IP6K2: variants seen among roughly 807,000 people sequenced by gnomAD.
The protein encoded by IP6K2 is inositol hexakisphosphate kinase 2.
Under a neutral mutation model 43.3 loss-of-function variants are expected in IP6K2, and 9 were observed. The observed-to-expected ratio is 0.21, with a 90% CI of 0.13 to 0.36. IP6K2 has a LOEUF of 0.36. Ranked by LOEUF, IP6K2 falls within the 10% of genes least tolerant of loss-of-function variation. The pLI is 1.00. For synonymous variants in IP6K2, 209 were observed against 202.4 expected (o/e 1.03, Z -0.28); for missense variants, 332 against 538.4 (o/e 0.62, Z 3.79).
chr3:48,704,991 G>T (rs1215556781), intron 1 of IP6K2, among the ~76,000 whole-genome samples: 5 of 151,226 alleles, frequency 3.3e-5, no homozygotes, highest in Non-Finnish European at 7.4e-5. Flanking sequence ...GCCCAGGCTG[G>T]AGTGCAGTGG....
chr3:48,691,690 C>T (rs1173966588), intron 3 of IP6K2, among the ~76,000 whole-genome samples: 1 of 151,854 alleles, frequency 6.6e-6, no homozygotes, highest in Admixed American at 6.6e-5. Flanking sequence ...GTGGTGTGCT[C>T]GGGAGGCTGA....
At chr3:48,703,103 G>A (rs1020180340) in intron 1 of IP6K2, among the ~76,000 whole-genome samples, 4 of 152,134 alleles carry the variant, frequency 2.6e-5, no homozygotes, top group African/African-American at 7.2e-5. Flanking sequence ...CATTAACTGG[G>A]GAGTATAAAT....
At position 48,688,128 on chromosome 3, in the gene IP6K2, G is replaced by T; in HGVS notation, c.*145C>A. 1.3e-6 allele frequency: 1 copy of T among 779,594 alleles called. No individual in the cohort carries two copies. The highest frequency in any genetic ancestry group is 2.1e-6 in the Non-Finnish European group (1 of 467,070). The allele number at this position is 779,594 out of a possible 1,614,324, so 48.3% of individuals were successfully genotyped here. A position where few individuals can be genotyped will look rare whatever the true frequency, so the allele number is the denominator to read the frequency against. ...AAGACTCCAAGCACAGCTGGGACTGGCTCAGGCTGGGGCTCACAGAGGCCA... is the reference window on the plus strand; with the variant it reads ...AAGACTCCAAGCACAGCTGGGACTGTCTCAGGCTGGGGCTCACAGAGGCCA... On this transcript the variant is annotated 3_prime_UTR_variant, in exon 6 of 6. Transcript: ENST00000328631. The surrounding 1 kb of genome is among the most constrained non-coding windows in gnomAD (Gnocchi z 5.1).
rs143129557 is a variant in IP6K2, at chr3:48,708,960, C to T, written c.-131+8197G>A. On this transcript the variant is annotated intron_variant, in intron 1 of 5. Transcript: ENST00000328631. ...GTACATGCCTGTTGTCCCAGCTACT[C>T]GGGAGGCAGAGGTGGAGGGATCACT... 5.1e-3 allele frequency among the ~76,000 whole-genome samples: 776 copies of T among 152,152 alleles called. 8 individuals are homozygous for T. Among genetic ancestry groups the T allele is most frequent in the African/African-American group, 0.017 (710 of 41,498 alleles).
intron 2 of IP6K2, chr3:48,693,972 G>A: frequency 3.6e-6 from 5 of 1,379,798 alleles, no homozygotes; most frequent in Non-Finnish European, 4.7e-6. Flanking sequence ...GTTTCAGCAG[G>A]TGCCGACGAG....
In IP6K2 at chr3:48,691,350, C is replaced by A. The variant is rs1256766920; in HGVS notation, c.561G>T (p.Gln187His). The change falls in exon 4 of 6, where the codon CAG (glutamine) becomes CAT (histidine). Residue 187 changes from glutamine to histidine, a missense_variant. Physicochemically the swap from Gln to His is conservative, Grantham distance 24. Transcript: ENST00000328631. ...NPWSMKCHQQ[Q>H]LQRMKENAKH... ...TTGCATTCTCCTTCATTCTCTGTAA[C>A]TGTTGCTGGTGACATTTCATGCTCC... 1 of 1,613,916 alleles carries A rather than the reference C, an allele frequency of 6.2e-7. No homozygotes were observed. The highest frequency in any genetic ancestry group is 1.7e-5 in the Admixed American group (1 of 59,968).
Position 48,695,237 on chromosome 3 carries a change from G to A in IP6K2, c.55C>T (p.Leu19=). 5.1e-6 allele frequency: 8 copies of A among 1,578,290 alleles called. No individual in the cohort carries two copies. Among genetic ancestry groups the A allele is most frequent in the South Asian group, 1.1e-5 (1 of 87,758 alleles). Residue 19 remains leucine, a synonymous_variant, in exon 2 of 6, where the codon CTG becomes TTG. Transcript: ENST00000328631. This position sits in a 1 kb window ranked among gnomAD's most constrained non-coding sequence, Gnocchi z 4.6. The part of the protein sequence containing the change: ...DVEPRAKGVL[L]EPFVHQVGGH... Reference sequence around the variant, plus strand: ...CCGACCTGGTGGACAAAGGGCTCCAGAAGGACGCCTTTGGCGCGGGGCTCC... The same window carrying A: ...CCGACCTGGTGGACAAAGGGCTCCAAAAGGACGCCTTTGGCGCGGGGCTCC...
Position 48,695,339 on chromosome 3 carries a change from C to G in IP6K2, c.-48G>C. 1.3e-6 allele frequency: 2 copies of G among 1,568,440 alleles called. No individual in the cohort carries two copies. The highest frequency in any genetic ancestry group is 1.1e-5 in the South Asian group (1 of 86,970). The stretch of plus-strand genomic sequence containing the variant: ...AGATGGGGGAGGCAGCGGAGTCCAG[C>G]GGCCAGTACGTCTTCTGTCTGTTGT... On this transcript the variant is annotated 5_prime_UTR_variant, in exon 2 of 6. Transcript: ENST00000328631. The surrounding 1 kb of genome is among the most constrained non-coding windows in gnomAD (Gnocchi z 4.6).
At chr3:48,705,545 G>A (rs1040521811) in intron 1 of IP6K2, among the ~76,000 whole-genome samples, 1 of 151,764 alleles carries the variant, frequency 6.6e-6, no homozygotes. Flanking sequence ...CAGGCATGGT[G>A]GGGAGACTGA....
intron 1 of IP6K2, among the ~76,000 whole-genome samples, chr3:48,714,550 G>A (rs541216669): frequency 5.9e-5 from 9 of 151,970 alleles, no homozygotes; most frequent in African/African-American, 2.2e-4. Context: ...CTGCCACAGA[G>A]GCTGGCTAGT....
chr3:48,694,476 C>A (rs1215171840), intron 2 of IP6K2: 1 of 1,548,646 alleles, frequency 6.5e-7, no homozygotes, highest in East Asian at 2.4e-5. Context: ...ACAAAAGACT[C>A]CCCCACTCCC....
At chr3:48,702,021 T>G (rs985522260) in intron 1 of IP6K2, among the ~76,000 whole-genome samples, 20 of 152,210 alleles carry the variant, frequency 1.3e-4, no homozygotes, top group Non-Finnish European at 4.4e-5. Context: ...TTTGAGTATC[T>G]TGAATCACTC....
Position 48,694,504 on chromosome 3 carries a change from T to C in IP6K2, c.202+586A>G, listed in dbSNP as rs566520091. On this transcript the variant is annotated intron_variant, in intron 2 of 5. Transcript: ENST00000328631. ...CCACTCCCCAACAAAGACCCCACCA[T>C]GCTGGTGGCTGCTGATGTCCCCTAT... 8.3e-5 allele frequency: 128 copies of C among 1,542,180 alleles called. 2 individuals carry two copies. The South Asian group carries it at 1.4e-3, about 16-fold the overall frequency.
intron 1 of IP6K2, among the ~76,000 whole-genome samples, chr3:48,697,262 C>T (rs991860840): frequency 1.3e-4 from 20 of 151,492 alleles, no homozygotes; most frequent in African/African-American, 4.9e-4. Flanking sequence ...CCTCGTGATC[C>T]GCCCACCTCA....
At chr3:48,709,499 C>A (rs1399841480) in intron 1 of IP6K2, among the ~76,000 whole-genome samples, 4 of 152,100 alleles carry the variant, frequency 2.6e-5, no homozygotes, top group Non-Finnish European at 4.4e-5. Context: ...TTCTTCCAGA[C>A]CAGCCCAGAA....
At position 48,696,172 on chromosome 3, in the gene IP6K2, C is replaced by T. The variant is rs532111788; in HGVS notation, c.-130-751G>A. On this transcript the variant is annotated intron_variant, in intron 1 of 5. Coordinates refer to ENST00000328631, the MANE Select transcript of IP6K2 (RefSeq NM_016291.4). ...TGCTGGGATTACAGGTGTGAGCGAC[C>T]GCACCCAGCCCCATTAATTATATTT... Among the ~76,000 whole-genome samples, 61 of 151,934 alleles carry T rather than the reference C, an allele frequency of 4.0e-4. 1 individual carries two copies. The highest frequency in any genetic ancestry group is 1.3e-3 in the African/African-American group (55 of 41,434).
chr3:48,691,249 TTCC>T, intron 4 of IP6K2, 55 bp downstream of exon 4: 1 of 1,413,706 alleles, frequency 7.1e-7, no homozygotes, highest in South Asian at 1.3e-5. Flanking sequence ...TCCAAGGGAC[TTCC>T]TCATTTCCTC....
At chr3:48,715,199 A>G (rs2081055956) in intron 1 of IP6K2, 1 of 1,039,698 alleles carries the variant, frequency 9.6e-7, no homozygotes, top group Non-Finnish European at 1.4e-6. Context: ...CTAATGTATA[A>G]GAGTGTGTTC....
chr3:48,697,488 A>ATTTTTTT (rs35746542), intron 1 of IP6K2, among the ~76,000 whole-genome samples: 17 of 64,324 alleles, frequency 2.6e-4, no homozygotes, highest in African/African-American at 5.3e-4. Context: ...ATGCCTGGCT[A>ATTTTTTT]TTTTTTTTTT....
Sources: gnomAD v4.1 joint callset for allele counts (sites outside exome capture counted in the v4.1 genomes callset) on GRCh38, gnomAD v4.1.1 for gene constraint, Gnocchi (gnomAD v3.1) non-coding constraint, MANE v1.5 for transcripts, NCBI Gene and HGNC (gene_info 2026-07-23, HGNC 2026-07-21) for gene names.